The following PTPRD variants were observed in gnomAD, a reference collection of about 807,000 sequenced individuals.
The protein encoded by PTPRD is receptor-type tyrosine-protein phosphatase delta.
PTPRD carries 34 observed loss-of-function variants against 214.5 expected under a neutral mutation model. That is an observed-to-expected ratio of 0.16 (90% CI 0.12 to 0.21). The LOEUF (loss-of-function observed/expected upper bound fraction) is 0.21, where lower values mean the gene tolerates loss of function less well. Ranked by LOEUF, PTPRD falls within the 10% of genes least tolerant of loss-of-function variation. PTPRD has a pLI of 1.00. For synonymous variants in PTPRD, 1,128 were observed against 845.7 expected (o/e 1.33, Z -5.79); for missense variants, 2,545 against 2,398.7 (o/e 1.06, Z -1.27).
intron 9 of PTPRD, among the ~76,000 whole-genome samples, chr9:9,260,459 G>A (rs547170873): frequency 3.9e-5 from 6 of 151,906 alleles, no homozygotes; most frequent in South Asian, 2.1e-4. Context: ...GACAGTTTTC[G>A]CCAATATATG....
intron 33 of PTPRD, among the ~76,000 whole-genome samples, chr9:8,451,645 G>T (rs1048864545): frequency 5.3e-5 from 8 of 152,080 alleles, no homozygotes; most frequent in African/African-American, 1.9e-4. Context: ...AACGTCACTG[G>T]GTGCAGCCAG....
chr9:9,628,947 G>A (rs973510680), intron 7 of PTPRD, among the ~76,000 whole-genome samples: 7 of 151,850 alleles, frequency 4.6e-5, no homozygotes, highest in Non-Finnish European at 7.4e-5. Flanking sequence ...GCCGAGGCGG[G>A]CAGATCATGA....
At chr9:10,094,162 C>T (rs1351545664) in intron 3 of PTPRD, among the ~76,000 whole-genome samples, 1 of 151,368 alleles carries the variant, frequency 6.6e-6, no homozygotes, top group Non-Finnish European at 1.5e-5. Context: ...TGACCGCTGT[C>T]TTGGTTTTAA....
intron 3 of PTPRD, among the ~76,000 whole-genome samples, chr9:10,165,411 G>A (rs1294986552): frequency 6.6e-6 from 1 of 151,594 alleles, no homozygotes; most frequent in African/African-American, 2.4e-5. Context: ...AGTTAAAACA[G>A]AATGAAATAT....
intron 4 of PTPRD, among the ~76,000 whole-genome samples, chr9:10,006,793 C>A (rs776026854): frequency 4.7e-4 from 72 of 151,902 alleles, no homozygotes; most frequent in Non-Finnish European, 9.6e-4. Flanking sequence ...TTACTACAAT[C>A]TAGATATATT....
intron 11 of PTPRD, among the ~76,000 whole-genome samples, chr9:8,844,384 T>TA (rs1180953116): frequency 6.6e-6 from 1 of 152,196 alleles, no homozygotes; most frequent in Non-Finnish European, 1.5e-5. Flanking sequence ...TAATATATTT[T>TA]AAAAAATTGT....
intron 14 of PTPRD, among the ~76,000 whole-genome samples, chr9:8,565,257 G>A (rs952976962): frequency 1.3e-5 from 2 of 152,248 alleles, no homozygotes; most frequent in South Asian, 2.1e-4. Flanking sequence ...ACAACTCTTC[G>A]CACAATGAAG....
chr9:10,138,028 AAAC>A (rs1489664889), intron 3 of PTPRD, among the ~76,000 whole-genome samples: 1 of 152,094 alleles, frequency 6.6e-6, no homozygotes, highest in African/African-American at 2.4e-5. Flanking sequence ...AGAAGAAAAG[AAAC>A]AACAAAAATC....
At chr9:9,329,052 T>G (rs1357112984) in intron 9 of PTPRD, among the ~76,000 whole-genome samples, 1 of 152,086 alleles carries the variant, frequency 6.6e-6, no homozygotes, top group Non-Finnish European at 1.5e-5. Context: ...TTTGAGAACA[T>G]CTGTCAGAAA....
intron 9 of PTPRD, among the ~76,000 whole-genome samples, chr9:9,290,420 G>A (rs1029256558): frequency 5.9e-5 from 9 of 151,408 alleles, no homozygotes; most frequent in Non-Finnish European, 8.9e-5. Flanking sequence ...TTTTTATGTT[G>A]TTAATGTTTT....
At chr9:10,189,656 A>G (rs1203320042) in intron 3 of PTPRD, among the ~76,000 whole-genome samples, 2 of 152,298 alleles carry the variant, frequency 1.3e-5, no homozygotes, top group East Asian at 1.9e-4. Flanking sequence ...CACAGAAAGC[A>G]GTAATGAAGA....
At chr9:9,257,555 G>A (rs893955885) in intron 9 of PTPRD, among the ~76,000 whole-genome samples, 1 of 151,984 alleles carries the variant, frequency 6.6e-6, no homozygotes, top group Non-Finnish European at 1.5e-5. Flanking sequence ...ACTTTGGAAA[G>A]CCAAAGCAGG....
intron 11 of PTPRD, among the ~76,000 whole-genome samples, chr9:8,777,771 T>C (rs2095542328): frequency 6.6e-6 from 1 of 152,236 alleles, no homozygotes. Context: ...TGCAGTCCTA[T>C]ATTCATTGTA....
chr9:8,384,227 T>G (rs187363576), intron 37 of PTPRD, among the ~76,000 whole-genome samples: 108 of 152,296 alleles, frequency 7.1e-4, no homozygotes, highest in African/African-American at 2.4e-3. Flanking sequence ...AAATGCTTCA[T>G]TTTTTCCAAA....
chr9:8,936,371 G>A (rs1417790250), intron 11 of PTPRD, among the ~76,000 whole-genome samples: 1 of 123,904 alleles, frequency 8.1e-6, no homozygotes. Context: ...TTGCGGCAGT[G>A]AGCCTAGATT....
intron 2 of PTPRD, among the ~76,000 whole-genome samples, chr9:10,584,400 C>T (rs1282724868): frequency 1.3e-5 from 2 of 152,042 alleles, no homozygotes; most frequent in Non-Finnish European, 2.9e-5. Context: ...GGTTTCAATA[C>T]AAAAAAGAAT....
At chr9:10,410,081 G>A (rs1340811597) in intron 2 of PTPRD, among the ~76,000 whole-genome samples, 1 of 151,336 alleles carries the variant, frequency 6.6e-6, no homozygotes, top group South Asian at 2.1e-4. Flanking sequence ...TATAGCAATA[G>A]ATAATAAATA....
chr9:8,747,394 C>T (rs929483882), intron 11 of PTPRD, among the ~76,000 whole-genome samples: 12 of 152,062 alleles, frequency 7.9e-5, no homozygotes, highest in Non-Finnish European at 1.8e-4. Flanking sequence ...GAGGAAACAC[C>T]TATCAAACAT....
chr9:10,221,515 A>C (rs560988897), intron 3 of PTPRD, among the ~76,000 whole-genome samples: 1 of 152,028 alleles, frequency 6.6e-6, no homozygotes, highest in African/African-American at 2.4e-5. Flanking sequence ...GTTGTGAAAT[A>C]GTAATATAAA....
Sources: gnomAD v4.1 joint callset for allele counts (sites outside exome capture counted in the v4.1 genomes callset) on GRCh38, gnomAD v4.1.1 for gene constraint, MANE v1.5 for transcripts, NCBI Gene and HGNC (gene_info 2026-07-23, HGNC 2026-07-21) for gene names.